The following PCCB variants were observed in gnomAD, a reference collection of about 807,000 sequenced individuals.
PCCB encodes the protein propionyl-CoA carboxylase subunit beta, also known as propionyl-CoA carboxylase beta chain, mitochondrial.
A neutral mutation model predicts 60.7 loss-of-function variants in PCCB; 43 were observed. The observed-to-expected ratio is 0.71, with a 90% CI of 0.55 to 0.91. The LOEUF is 0.91. Among genes scored for constraint, PCCB ranks in the 40% least tolerant of loss-of-function variants. PCCB has a pLI of 0.00. For missense variants in PCCB, 766 were observed against 702.8 expected, an observed-to-expected ratio of 1.09 and a Z score of -1.02; for synonymous variants, 276 against 255.9, an observed-to-expected ratio of 1.08 and a Z score of -0.75.
chr3:136,315,341 C>G (rs925645873), intron 9 of PCCB, among the ~76,000 whole-genome samples: 1 of 152,024 alleles, frequency 6.6e-6, no homozygotes, highest in Non-Finnish European at 1.5e-5. Flanking sequence ...CGAGACTATT[C>G]TGACCAACAT....
chr3:136,303,504 T>G (rs1327122811), intron 9 of PCCB, among the ~76,000 whole-genome samples: 1 of 122,884 alleles, frequency 8.1e-6, no homozygotes, highest in Non-Finnish European at 1.8e-5. Context: ...GTTTTGAGTT[T>G]CTGCATTGAT....
chr3:136,326,390 G>A (rs534399944), intron 10 of PCCB: 2 of 702,842 alleles, frequency 2.8e-6, no homozygotes, highest in Admixed American at 2.0e-5. Context: ...TTGCAGGTAA[G>A]GAACCTTAGG....
At chr3:136,328,972 T>C (rs1004371150) in intron 14 of PCCB, 115 bp downstream of exon 14, 5 of 820,300 alleles carry the variant, frequency 6.1e-6, no homozygotes, top group Non-Finnish European at 1.0e-5. Context: ...ATCTGTTGAC[T>C]AGTGAGGGTT....
At chr3:136,295,244 A>C (rs2108199296) in intron 7 of PCCB, among the ~76,000 whole-genome samples, 1 of 152,334 alleles carries the variant, frequency 6.6e-6, no homozygotes, top group Non-Finnish European at 1.5e-5. Context: ...TACTGTGGTT[A>C]AGGCATTGGG....
chr3:136,258,023 T>C (rs1000674366), intron 3 of PCCB, among the ~76,000 whole-genome samples: 6 of 152,198 alleles, frequency 3.9e-5, no homozygotes, highest in Non-Finnish European at 8.8e-5. Context: ...CTTTGAAATG[T>C]TTTAAAACTG....
chr3:136,274,817 CTTCT>C (rs1452884315), intron 5 of PCCB, among the ~76,000 whole-genome samples: 26 of 151,244 alleles, frequency 1.7e-4, no homozygotes, highest in African/African-American at 5.6e-4. Flanking sequence ...TTGTTCATTT[CTTCT>C]TTCTTTTTTT....
intron 6 of PCCB, among the ~76,000 whole-genome samples, chr3:136,287,056 A>G (rs1003765283): frequency 6.6e-6 from 1 of 151,776 alleles, no homozygotes; most frequent in Non-Finnish European, 1.5e-5. Context: ...AATAATAAAA[A>G]TAACCCAGGT....
At chr3:136,308,594 A>G (rs1181371678) in intron 9 of PCCB, among the ~76,000 whole-genome samples, 1 of 152,234 alleles carries the variant, frequency 6.6e-6, no homozygotes, top group African/African-American at 2.4e-5. Flanking sequence ...GGTAGATCTT[A>G]CACATTTCTT....
Position 136,301,069 on chromosome 3 carries a change from G to A in PCCB, c.924G>A (p.Leu308=), listed in dbSNP as rs1289607211. The change falls in exon 9 of 15, where the codon TTG becomes TTA. Residue 308 remains leucine (L), a synonymous_variant. Coordinates refer to ENST00000251654, the MANE Select transcript of PCCB (RefSeq NM_000532.5). ...LVPELDTIVP[L]ESTKAYNMVD... ...CTGAGCTTGACACAATTGTCCCTTT[G>A]GAATCAACCAAAGCCTACAACATGG... The A allele has an allele frequency of 6.2e-7, 1 of 1,614,110 alleles. No individual in the cohort carries two copies. Among genetic ancestry groups the A allele is most frequent in the South Asian group, 1.1e-5 (1 of 91,080 alleles).
chr3:136,268,105 T>TATATATATATATGTAG (rs1942077600), intron 5 of PCCB, among the ~76,000 whole-genome samples: 1 of 128,218 alleles, frequency 7.8e-6, no homozygotes, highest in African/African-American at 3.3e-5. Context: ...TATATATATA[T>TATATATATATATGTAG]ATATATATAT....
chr3:136,278,797 T>C (rs557547872), intron 5 of PCCB, among the ~76,000 whole-genome samples: 1 of 152,342 alleles, frequency 6.6e-6, no homozygotes, highest in Admixed American at 6.5e-5. Flanking sequence ...TATAGGTCTT[T>C]TATATGTATT....
chr3:136,298,766 T>G (rs1351712100), intron 8 of PCCB, among the ~76,000 whole-genome samples: 1 of 152,208 alleles, frequency 6.6e-6, no homozygotes, highest in Admixed American at 6.5e-5. Flanking sequence ...TTCCATTTTA[T>G]TTCCTCTCCA....
rs372512745 is a variant in PCCB, at chr3:136,265,501, GAAT to G, written c.543+3441_543+3443del. ...TATCAGTTTGTTCCTTTTTATTGGTGAATAATATCTATTGAATATTTTATGTAT... is the reference window on the plus strand; with the variant it reads ...TATCAGTTTGTTCCTTTTTATTGGTGAATATCTATTGAATATTTTATGTAT... On this transcript the variant is annotated intron_variant, in intron 5 of 14. Coordinates refer to ENST00000251654, the MANE Select transcript of PCCB (RefSeq NM_000532.5). Among the ~76,000 whole-genome samples the G allele has an allele frequency of 1.8e-4, 27 of 152,190 alleles. No homozygotes were observed. In the East Asian group the frequency reaches 5.2e-3, roughly 29 times the overall value.
At chr3:136,301,696 A>G (rs986950209) in intron 9 of PCCB, among the ~76,000 whole-genome samples, 1 of 152,034 alleles carries the variant, frequency 6.6e-6, no homozygotes, top group African/African-American at 2.4e-5. Flanking sequence ...CTTGTGCAAC[A>G]CATCGTGATG....
chr3:136,293,914 G>A, intron 7 of PCCB, 50 bp downstream of exon 7: 1 of 1,106,044 alleles, frequency 9.0e-7, no homozygotes, highest in Non-Finnish European at 1.4e-6. Context: ...TGAGAAGAGG[G>A]CATTGCCAAA....
intron 10 of PCCB, among the ~76,000 whole-genome samples, chr3:136,318,479 G>A (rs967653885): frequency 2.0e-5 from 3 of 152,174 alleles, no homozygotes; most frequent in Non-Finnish European, 4.4e-5. Context: ...CATACAAAGT[G>A]TATGCAACCA....
At chr3:136,250,679 C>T (rs1448935775) in intron 1 of PCCB, 121 bp downstream of exon 1, 7 of 972,552 alleles carry the variant, frequency 7.2e-6, no homozygotes, top group Non-Finnish European at 1.1e-5. Context: ...GGGGCCGGAG[C>T]AAGGGTGTTC....
intron 1 of PCCB, among the ~76,000 whole-genome samples, chr3:136,252,064 C>G (rs1941531837): frequency 6.6e-6 from 1 of 151,426 alleles, no homozygotes; most frequent in African/African-American, 2.4e-5. Context: ...GTATTTTTAG[C>G]AGAGACAGGG....
chr3:136,301,978 A>G (rs1934303232), intron 9 of PCCB, among the ~76,000 whole-genome samples: 1 of 152,320 alleles, frequency 6.6e-6, no homozygotes, highest in South Asian at 2.1e-4. Flanking sequence ...AAAAATGAAG[A>G]TGGTAAAAAG....
Sources: gnomAD v4.1 joint callset for allele counts (sites outside exome capture counted in the v4.1 genomes callset) on GRCh38, gnomAD v4.1.1 for gene constraint, MANE v1.5 for transcripts, NCBI Gene and HGNC (gene_info 2026-07-23, HGNC 2026-07-21) for gene names.